NR2C2: variants seen among roughly 807,000 people sequenced by gnomAD.
NR2C2 encodes the protein Nuclear hormone receptor TR4.
Under a neutral mutation model 62.9 loss-of-function variants are expected in NR2C2, and 6 were observed. The ratio of observed to expected loss-of-function variants is 0.10; its 90% CI spans 0.05 to 0.19. NR2C2 has a LOEUF of 0.19. NR2C2 is among the 10% of genes least tolerant of loss of function. The pLI is 1.00. For synonymous variants in NR2C2, 272 were observed against 273.8 expected, an observed-to-expected ratio of 0.99 and a Z score of 0.07; for missense variants, 479 against 762.7, an observed-to-expected ratio of 0.63 and a Z score of 4.38.
At chr3:15,010,438 G>T (rs1261825713) in intron 2 of NR2C2, among the ~76,000 whole-genome samples, 1 of 151,928 alleles carries the variant, frequency 6.6e-6, no homozygotes, top group East Asian at 1.9e-4. Context: ...GAATAATCTA[G>T]CCAGGTGCAT....
chr3:14,984,050 G>A (rs147704498), intron 1 of NR2C2, among the ~76,000 whole-genome samples: 1,547 of 152,022 alleles, frequency 0.01, 13 homozygotes, highest in Non-Finnish European at 0.017. Flanking sequence ...CACCACGCCT[G>A]GCTAATTTTG....
rs1372023028 is a variant in NR2C2 at position 15,032,391 on chromosome 3, A to G, written c.1123A>G (p.Ser375Gly). 1 of 1,614,218 alleles carries G rather than the reference A, an allele frequency of 6.2e-7. No homozygotes were observed. The highest frequency in any genetic ancestry group is 8.5e-7 in the Non-Finnish European group (1 of 1,180,036). Residue 375 changes from serine to glycine, a missense_variant, in exon 10 of 14, where the codon AGT becomes GGT. Around this residue, in one of 4 missense-constraint regions of NR2C2, gnomAD observed 162 missense variants for 296.8 expected, o/e 0.55. Coordinates refer to ENST00000425241, the MANE Select transcript of NR2C2 (RefSeq NM_001291694.2). ...TCCTCTTTTCCAGCTAACAATGCCCAGTCCAATGCCAGAGTACCTCAACGT... is the reference window on the plus strand; with the variant it reads ...TCCTCTTTTCCAGCTAACAATGCCCGGTCCAATGCCAGAGTACCTCAACGT... ...THVTFKLTMP[S>G]PMPEYLNVHY...
At chr3:15,028,313 T>C (rs2041879763) in intron 7 of NR2C2, among the ~76,000 whole-genome samples, 1 of 152,264 alleles carries the variant, frequency 6.6e-6, no homozygotes, top group Non-Finnish European at 1.5e-5. Context: ...TTTACTTTCT[T>C]GACAATTTCT....
intron 1 of NR2C2, among the ~76,000 whole-genome samples, chr3:14,981,014 C>T (rs1216886040): frequency 6.6e-6 from 1 of 152,232 alleles, no homozygotes; most frequent in African/African-American, 2.4e-5. Context: ...CTGATTTCTA[C>T]TGTTACACTG....
chr3:14,963,909 A>G (rs889536090), intron 1 of NR2C2, among the ~76,000 whole-genome samples: 3 of 152,212 alleles, frequency 2.0e-5, no homozygotes, highest in East Asian at 1.9e-4. Context: ...CAATGTAACT[A>G]GTTACCTACC....
chr3:14,989,749 A>G (rs184630587), intron 1 of NR2C2, among the ~76,000 whole-genome samples: 30 of 151,882 alleles, frequency 2.0e-4, no homozygotes, highest in African/African-American at 7.2e-4. Flanking sequence ...CCTGGCCAAC[A>G]TGGTGAAACC....
intron 10 of NR2C2, 86 bp downstream of exon 10, chr3:15,032,586 C>T: frequency 6.6e-7 from 1 of 1,515,300 alleles, no homozygotes; most frequent in South Asian, 1.1e-5. Context: ...GAGGGCCTGT[C>T]TAGTTTGACT....
chr3:15,007,483 G>A (rs1416306642), intron 2 of NR2C2, among the ~76,000 whole-genome samples: 1 of 152,172 alleles, frequency 6.6e-6, no homozygotes, highest in East Asian at 1.9e-4. Flanking sequence ...ACCCCAACCT[G>A]ATCTTTTCCC....
intron 1 of NR2C2, among the ~76,000 whole-genome samples, chr3:14,992,454 G>A (rs2040698427): frequency 6.6e-6 from 1 of 152,222 alleles, no homozygotes; most frequent in Non-Finnish European, 1.5e-5. Context: ...GCTTAAGACA[G>A]AGACTGCTTA....
At chr3:15,029,848 T>C (rs59694621) in intron 8 of NR2C2, among the ~76,000 whole-genome samples, 13,420 of 145,204 alleles carry the variant, frequency 0.092, 1,454 homozygotes, top group African/African-American at 0.25. Flanking sequence ...TAGATATAGA[T>C]AGACCCCATC....
At chr3:14,974,759 A>C (rs970820462) in intron 1 of NR2C2, among the ~76,000 whole-genome samples, 2 of 151,980 alleles carry the variant, frequency 1.3e-5, no homozygotes, top group African/African-American at 4.8e-5. Flanking sequence ...ATGTGCCACC[A>C]TGCCCGGCTA....
intron 2 of NR2C2, among the ~76,000 whole-genome samples, chr3:15,009,108 G>A (rs2041276622): frequency 6.6e-6 from 1 of 152,172 alleles, no homozygotes; most frequent in Non-Finnish European, 1.5e-5. Flanking sequence ...TGTAATCCCA[G>A]CTACTCGGGA....
intron 8 of NR2C2, 102 bp from the exon 9 acceptor site, chr3:15,030,169 TTTAA>T: frequency 1.1e-6 from 1 of 947,708 alleles, no homozygotes; most frequent in South Asian, 1.6e-5. Context: ...TACGGTAGAA[TTTAA>T]TTATCTTTTC....
chr3:15,003,747 G>A (rs1574989639), intron 1 of NR2C2, 129 bp from the exon 2 acceptor site: 2 of 583,744 alleles, frequency 3.4e-6, no homozygotes, highest in East Asian at 6.4e-5. Context: ...TCATCCTTCT[G>A]GGTCCATACC....
At chr3:14,991,608 T>C (rs1441385164) in intron 1 of NR2C2, among the ~76,000 whole-genome samples, 2 of 152,172 alleles carry the variant, frequency 1.3e-5, no homozygotes, top group Non-Finnish European at 2.9e-5. Context: ...TTTCACAGAG[T>C]GTAACTCTGT....
chr3:14,953,860 A>G (rs998959163), intron 1 of NR2C2, among the ~76,000 whole-genome samples: 1 of 147,140 alleles, frequency 6.8e-6, no homozygotes, highest in African/African-American at 2.6e-5. Flanking sequence ...ACGCCACTGC[A>G]CTCCAGCCTG....
chr3:14,957,685 G>C (rs2039565972), intron 1 of NR2C2, among the ~76,000 whole-genome samples: 1 of 152,058 alleles, frequency 6.6e-6, no homozygotes, highest in Non-Finnish European at 1.5e-5. Context: ...TGCTATCGAG[G>C]AAAAACACAC....
intron 6 of NR2C2, among the ~76,000 whole-genome samples, chr3:15,023,747 AAG>A (rs2041741139): frequency 2.0e-5 from 3 of 152,324 alleles, no homozygotes; most frequent in Admixed American, 1.3e-4. Context: ...AAGGAACGGA[AAG>A]AGGGGAAAAC....
intron 1 of NR2C2, among the ~76,000 whole-genome samples, chr3:14,970,494 A>C (rs2040004906): frequency 6.6e-6 from 1 of 152,024 alleles, no homozygotes; most frequent in African/African-American, 2.4e-5. Context: ...CATTCCCCTC[A>C]TTCCCCTAGC....
Sources: allele counts gnomAD v4.1 joint callset (sites outside exome capture counted in the v4.1 genomes callset), GRCh38; gene constraint gnomAD v4.1.1; regional missense constraint gnomAD v4.1.1; transcripts MANE v1.5; gene names NCBI Gene and HGNC (gene_info 2026-07-23, HGNC 2026-07-21).